Variants in ATE1 observed in about 807,000 individuals in gnomAD.
ATE1 encodes the protein arginyltransferase 1.
In ATE1, 36 loss-of-function variants were observed where a neutral mutation model predicts 70.5. The observed-to-expected ratio is 0.51, with a 90% CI of 0.39 to 0.67. The LOEUF is 0.67. Ranked by LOEUF, ATE1 falls within the 30% of genes least tolerant of loss-of-function variation. ATE1 has a pLI of 0.00. For missense variants in ATE1, 593 were observed against 629.5 expected (o/e 0.94, Z 0.62); for synonymous variants, 232 against 219.3 (o/e 1.06, Z -0.51).
chr10:121,896,499 C>T (rs916454521), intron 7 of ATE1, among the ~76,000 whole-genome samples: 2 of 152,090 alleles, frequency 1.3e-5, no homozygotes, highest in Non-Finnish European at 2.9e-5. Flanking sequence ...CTGGCTCCTA[C>T]CTAAACCTCC....
At chr10:121,904,406 C>G (rs939148328) in intron 5 of ATE1, among the ~76,000 whole-genome samples, 2 of 151,320 alleles carry the variant, frequency 1.3e-5, no homozygotes, top group African/African-American at 4.9e-5. Context: ...CTTTGGGAGG[C>G]CGAGGCAGGC....
At chr10:121,913,758 A>C in intron 4 of ATE1, 32 bp downstream of exon 4, 7 of 1,460,496 alleles carry the variant, frequency 4.8e-6, no homozygotes, top group Non-Finnish European at 6.7e-6. Flanking sequence ...AAAGACAGAT[A>C]GTAAATCGTT....
intron 7 of ATE1, chr10:121,898,826 A>G (rs759291449): frequency 1.2e-6 from 2 of 1,612,596 alleles, no homozygotes; most frequent in East Asian, 2.2e-5. Context: ...CACAGAAAAC[A>G]ACAGTTAACA....
At chr10:121,839,074 A>T (rs1304676806) in intron 9 of ATE1, among the ~76,000 whole-genome samples, 1 of 151,934 alleles carries the variant, frequency 6.6e-6, no homozygotes, top group Non-Finnish European at 1.5e-5. Context: ...TTTTCTATAA[A>T]CTCCGCAACT....
intron 11 of ATE1, among the ~76,000 whole-genome samples, chr10:121,749,122 T>C (rs1160232128): frequency 6.6e-6 from 1 of 152,222 alleles, no homozygotes; most frequent in Non-Finnish European, 1.5e-5. Flanking sequence ...CCAGCATCTG[T>C]CAAGCTCCTG....
At chr10:121,808,738 T>C (rs1253789388) in intron 10 of ATE1, among the ~76,000 whole-genome samples, 1 of 152,174 alleles carries the variant, frequency 6.6e-6, no homozygotes, top group Admixed American at 6.5e-5. Context: ...GGAAAATTCA[T>C]ACAAATATAT....
At chr10:121,746,059 T>G (rs1944357998) in intron 11 of ATE1, among the ~76,000 whole-genome samples, 1 of 152,198 alleles carries the variant, frequency 6.6e-6, no homozygotes, top group South Asian at 2.1e-4. Context: ...CCCTTCCCTT[T>G]GCGCAGAATT....
intron 8 of ATE1, among the ~76,000 whole-genome samples, chr10:121,861,516 C>G (rs11200198): frequency 1.2e-3 from 186 of 149,456 alleles, no homozygotes; most frequent in Non-Finnish European, 2.3e-3. Flanking sequence ...ACCGCATATT[C>G]TCACTCATAG....
At chr10:121,902,650 T>C in intron 5 of ATE1, 30 bp from the exon 6 acceptor site, 1 of 1,551,608 alleles carries the variant, frequency 6.4e-7, no homozygotes, top group Non-Finnish European at 8.7e-7. Context: ...ATTAGACCAA[T>C]CACATTTGGT....
chr10:121,866,923 C>A (rs1949685699), intron 8 of ATE1, among the ~76,000 whole-genome samples: 1 of 151,432 alleles, frequency 6.6e-6, no homozygotes, highest in South Asian at 2.1e-4. Context: ...CACTCCAAGA[C>A]CTATCTATAA....
At chr10:121,895,175 G>T (rs548247191) in intron 7 of ATE1, among the ~76,000 whole-genome samples, 1 of 152,300 alleles carries the variant, frequency 6.6e-6, no homozygotes, top group South Asian at 2.1e-4. Context: ...AAGTCTGGCA[G>T]ATCCTCAAAA....
chr10:121,750,627 CT>C (rs1212007573), intron 11 of ATE1, among the ~76,000 whole-genome samples: 3 of 59,668 alleles, frequency 5.0e-5, no homozygotes. Flanking sequence ...TTTACTTCTC[CT>C]TCTTATGGGG....
At chr10:121,747,715 G>T (rs1458431040) in intron 11 of ATE1, among the ~76,000 whole-genome samples, 2 of 152,168 alleles carry the variant, frequency 1.3e-5, no homozygotes, top group Non-Finnish European at 2.9e-5. Flanking sequence ...TTCCTGCTTA[G>T]ATCCTGATAC....
Position 121,856,812 on chromosome 10 carries a change from C to T in ATE1, c.975+13194G>A, listed in dbSNP as rs566614587. Among the ~76,000 whole-genome samples, 163 of 152,216 alleles carry T rather than the reference C, an allele frequency of 1.1e-3. 1 individual carries two copies. Among genetic ancestry groups the T allele is most frequent in the African/African-American group, 3.6e-3 (150 of 41,530 alleles). The stretch of plus-strand genomic sequence containing the variant: ...CCACAAACCTTCAATTTGTAAAAAA[C>T]GGTGTATCTGAGAAGTGCAACGAAG... On this transcript the variant is annotated intron_variant, in intron 8 of 11. Transcript: ENST00000224652.
intron 8 of ATE1, among the ~76,000 whole-genome samples, chr10:121,862,891 C>G (rs1949525957): frequency 6.6e-6 from 1 of 151,942 alleles, no homozygotes; most frequent in Non-Finnish European, 1.5e-5. Context: ...GTTACTGCCC[C>G]CTTTCTAGAG....
At chr10:121,801,168 G>A (rs1357770382) in intron 10 of ATE1, among the ~76,000 whole-genome samples, 1 of 152,180 alleles carries the variant, frequency 6.6e-6, no homozygotes, top group African/African-American at 2.4e-5. Flanking sequence ...GTGCTGCTAG[G>A]CTAAGCTTTG....
intron 11 of ATE1, among the ~76,000 whole-genome samples, chr10:121,782,119 T>C (rs1336409097): frequency 6.6e-6 from 1 of 152,228 alleles, no homozygotes; most frequent in Non-Finnish European, 1.5e-5. Flanking sequence ...CATTCTTCTA[T>C]GAAGTTGGGT....
chr10:121,904,562 A>G (rs1324115179), intron 5 of ATE1, among the ~76,000 whole-genome samples: 10 of 145,314 alleles, frequency 6.9e-5, no homozygotes, highest in African/African-American at 2.1e-4. Flanking sequence ...AATTGCTTGA[A>G]CCCAGTAGGT....
intron 4 of ATE1, among the ~76,000 whole-genome samples, chr10:121,913,349 G>A (rs996812328): frequency 6.6e-6 from 1 of 152,194 alleles, no homozygotes; most frequent in Admixed American, 6.5e-5. Context: ...ATTTACTGAA[G>A]TAAAGCCTTA....
Sources: allele counts gnomAD v4.1 joint callset (sites outside exome capture counted in the v4.1 genomes callset), GRCh38; gene constraint gnomAD v4.1.1; transcripts MANE v1.5; gene names NCBI Gene and HGNC (gene_info 2026-07-23, HGNC 2026-07-21).